Variants in SGCZ observed in about 807,000 individuals in gnomAD.
The protein encoded by SGCZ is zeta-sarcoglycan.
SGCZ carries 40 observed loss-of-function variants against 41.3 expected under a neutral mutation model. The observed-to-expected ratio is 0.97, with a 90% CI of 0.75 to 1.26. The LOEUF (loss-of-function observed/expected upper bound fraction) is 1.26. Among genes scored for constraint, SGCZ ranks in the 50% most tolerant of loss-of-function variants. The probability of loss-of-function intolerance (pLI) is 0.00; values close to 1 mark genes in which losing one functional copy is unlikely to be tolerated. For synonymous variants in SGCZ, 206 were observed against 137.5 expected, an observed-to-expected ratio of 1.50 and a Z score of -3.49; for missense variants, 552 against 369.8, an observed-to-expected ratio of 1.49 and a Z score of -4.04.
intron 3 of SGCZ, among the ~76,000 whole-genome samples, chr8:14,300,091 C>A (rs571310051): frequency 6.8e-4 from 104 of 151,988 alleles, no homozygotes; most frequent in Non-Finnish European, 1.1e-3. Context: ...CAGGGTGAGA[C>A]CTGCCTGAAG....
At chr8:14,811,500 C>A (rs902313380) in intron 1 of SGCZ, among the ~76,000 whole-genome samples, 1 of 129,738 alleles carries the variant, frequency 7.7e-6, no homozygotes, top group Non-Finnish European at 1.6e-5. Context: ...ATGAAACATT[C>A]GCTGAAAGAC....
At chr8:14,723,464 G>A (rs900796246) in intron 1 of SGCZ, among the ~76,000 whole-genome samples, 2 of 152,100 alleles carry the variant, frequency 1.3e-5, no homozygotes, top group Non-Finnish European at 2.9e-5. Flanking sequence ...CTGGAGAACA[G>A]AGGGAGAGGA....
rs561333451 is a variant in SGCZ, at chr8:14,422,303, T to G, written c.235-98099A>C. Among the ~76,000 whole-genome samples the G allele has an allele frequency of 5.9e-5, 9 of 152,322 alleles. No homozygotes were observed. In the East Asian group the frequency reaches 1.4e-3, roughly 23 times the overall value. ...GGAGTCTGGATCTTTGTTTGAAAAGTAGAATCTGTTAGGATATTTTAAGTT... is the reference window on the plus strand; with the variant it reads ...GGAGTCTGGATCTTTGTTTGAAAAGGAGAATCTGTTAGGATATTTTAAGTT... On this transcript the variant is annotated intron_variant, in intron 2 of 7. Transcript: ENST00000382080.
In SGCZ at chr8:14,624,639, C is replaced by T. The variant is rs145234505; in HGVS notation, c.40-69713G>A. On this transcript the variant is annotated intron_variant, in intron 1 of 7. Transcript: ENST00000382080. ...AGGCTGGAGTGCAGTTGTGTGATCT[C>T]GGCTCACTGAAACCTCCGCCTCCCG... Among the ~76,000 whole-genome samples, 461 of 134,880 alleles carry T rather than the reference C, an allele frequency of 3.4e-3. 5 individuals are homozygous for T. The highest frequency in any genetic ancestry group is 0.018 in the East Asian group (71 of 4,028). 88.5% of individuals were successfully genotyped at this position (134,880 alleles called of 152,430 possible).
intron 1 of SGCZ, among the ~76,000 whole-genome samples, chr8:14,827,389 A>G (rs1802370963): frequency 6.6e-6 from 1 of 151,984 alleles, no homozygotes; most frequent in South Asian, 2.1e-4. Flanking sequence ...GGCATGCACC[A>G]CCATGCCCAG....
chr8:14,744,717 C>T (rs554228468), intron 1 of SGCZ, among the ~76,000 whole-genome samples: 2 of 152,190 alleles, frequency 1.3e-5, no homozygotes, highest in African/African-American at 4.8e-5. Context: ...AATCTGATTT[C>T]CCTGGTTTAA....
chr8:14,230,766 T>TGGGG (rs774569313), intron 4 of SGCZ, among the ~76,000 whole-genome samples: 2 of 92,730 alleles, frequency 2.2e-5, no homozygotes, highest in Non-Finnish European at 4.5e-5. Flanking sequence ...TTGGTGGTGG[T>TGGGG]GGGGGGGTGG....
chr8:15,034,091 C>CA (rs1803785079), intron 1 of SGCZ, among the ~76,000 whole-genome samples: 2 of 152,036 alleles, frequency 1.3e-5, no homozygotes, highest in Non-Finnish European at 2.9e-5. Flanking sequence ...AGAAAACCCA[C>CA]AATAATCTTT....
intron 1 of SGCZ, among the ~76,000 whole-genome samples, chr8:14,795,749 T>C (rs940347211): frequency 6.6e-6 from 1 of 152,194 alleles, no homozygotes; most frequent in Admixed American, 6.5e-5. Flanking sequence ...TGGAGGTTTG[T>C]TGTACAGATT....
chr8:14,750,276 G>C (rs1799458063), intron 1 of SGCZ, among the ~76,000 whole-genome samples: 1 of 151,932 alleles, frequency 6.6e-6, no homozygotes, highest in Non-Finnish European at 1.5e-5. Flanking sequence ...TTAACAAGTA[G>C]TTTTTAATGT....
At chr8:14,627,393 A>G (rs543443261) in intron 1 of SGCZ, among the ~76,000 whole-genome samples, 8 of 152,210 alleles carry the variant, frequency 5.3e-5, no homozygotes, top group African/African-American at 1.7e-4. Flanking sequence ...AGAACATCTA[A>G]TACCTAATTT....
intron 1 of SGCZ, among the ~76,000 whole-genome samples, chr8:15,121,052 A>G (rs1437378746): frequency 6.6e-6 from 1 of 152,152 alleles, no homozygotes; most frequent in Admixed American, 6.6e-5. Context: ...TGAAATAACC[A>G]CTTCTTCATT....
At chr8:15,210,598 T>C (rs1801205242) in intron 1 of SGCZ, among the ~76,000 whole-genome samples, 1 of 152,186 alleles carries the variant, frequency 6.6e-6, no homozygotes, top group African/African-American at 2.4e-5. Flanking sequence ...TCACTCCCTG[T>C]CCTCTAGACC....
At chr8:14,702,856 GATAGATAGATAGA>G (rs1809201312) in intron 1 of SGCZ, among the ~76,000 whole-genome samples, 2 of 147,326 alleles carry the variant, frequency 1.4e-5, no homozygotes, top group African/African-American at 5.2e-5. Context: ...TAGATAGATA[GATAGATAGATAGA>G]TAGATAGATA....
chr8:14,289,514 T>G (rs768827341), intron 3 of SGCZ, among the ~76,000 whole-genome samples: 52 of 152,116 alleles, frequency 3.4e-4, no homozygotes, highest in African/African-American at 1.0e-3. Flanking sequence ...AGCTTTATGT[T>G]GAAGAGACTA....
chr8:14,795,654 ACTT>A (rs1391518820), intron 1 of SGCZ, among the ~76,000 whole-genome samples: 2 of 152,042 alleles, frequency 1.3e-5, no homozygotes, highest in Non-Finnish European at 2.9e-5. Flanking sequence ...ACTGGTACAG[ACTT>A]CTTTATTGTT....
chr8:14,124,613 C>T (rs1040153861), intron 5 of SGCZ, among the ~76,000 whole-genome samples: 3 of 152,184 alleles, frequency 2.0e-5, no homozygotes, highest in Non-Finnish European at 4.4e-5. Flanking sequence ...ATCTCTTGCT[C>T]TGACATTGTT....
intron 1 of SGCZ, among the ~76,000 whole-genome samples, chr8:14,819,970 G>T (rs1240410338): frequency 6.6e-6 from 1 of 152,000 alleles, no homozygotes; most frequent in East Asian, 1.9e-4. Flanking sequence ...ACCTATAAAA[G>T]AACCAGGAAA....
intron 1 of SGCZ, among the ~76,000 whole-genome samples, chr8:14,776,385 G>C (rs1408493276): frequency 6.6e-6 from 1 of 152,100 alleles, no homozygotes. Context: ...CACCATGTAA[G>C]ATGGGCCTTT....
Sources: gnomAD v4.1 joint callset for allele counts (sites outside exome capture counted in the v4.1 genomes callset) on GRCh38, gnomAD v4.1.1 for gene constraint, MANE v1.5 for transcripts, NCBI Gene and HGNC (gene_info 2026-07-23, HGNC 2026-07-21) for gene names.